The following UGGT2 variants were observed in gnomAD, a reference collection of about 807,000 sequenced individuals.
UGGT2 encodes UDP-glucose:glycoprotein glucosyltransferase 2.
Under a neutral mutation model 192.1 loss-of-function variants are expected in UGGT2, and 180 were observed. The ratio of observed to expected loss-of-function variants is 0.94; its 90% confidence interval spans 0.83 to 1.06. UGGT2 has a LOEUF of 1.06. Among genes scored for constraint, UGGT2 ranks in the 50% least tolerant of loss-of-function variants. The pLI, the probability that UGGT2 is intolerant of heterozygous loss-of-function variation, is 0.00. For missense variants in UGGT2, 1,849 were observed against 1,795.7 expected (o/e 1.03, Z -0.54); for synonymous variants, 580 against 591.0 (o/e 0.98, Z 0.27).
intron 8 of UGGT2, among the ~76,000 whole-genome samples, chr13:95,988,974 TGGC>T (rs2051375323): frequency 6.6e-6 from 1 of 152,056 alleles, no homozygotes; most frequent in Non-Finnish European, 1.5e-5. Flanking sequence ...CTAGTGAGAG[TGGC>T]CTGTAAATAT....
At chr13:96,013,148 T>A (rs184483737) in intron 5 of UGGT2, among the ~76,000 whole-genome samples, 159 bp downstream of exon 5, 100 of 152,054 alleles carry the variant, frequency 6.6e-4, no homozygotes, top group Non-Finnish European at 1.2e-3. Context: ...AGAGACAGAA[T>A]CCCAATATAT....
rs140240153 is a variant in UGGT2, at chr13:96,033,846, G to A, written c.159-1875C>T. Among the ~76,000 whole-genome samples, 3 of 152,302 alleles carry A rather than the reference G, an allele frequency of 2.0e-5. No individual in the cohort carries two copies. In the East Asian group the frequency reaches 5.8e-4, roughly 30 times the overall value. ...GAGCAGCTTGGCACAGGCCTGAAAG[G>A]TGCCCCATGACGCGAACTGCCTGGG... On this transcript the variant is annotated intron_variant, in intron 1 of 38. Coordinates refer to ENST00000376747, the MANE Select transcript of UGGT2 (RefSeq NM_020121.4).
chr13:95,877,265 C>A lies in UGGT2; in HGVS notation c.3473+14G>T. The A allele has an allele frequency of 6.5e-7, 1 of 1,549,414 alleles. No individual in the cohort carries two copies. Among genetic ancestry groups the A allele is most frequent in the Non-Finnish European group, 8.7e-7 (1 of 1,152,344 alleles). On this transcript the variant is annotated intron_variant, in intron 29 of 38. Coordinates refer to ENST00000376747, the MANE Select transcript of UGGT2 (RefSeq NM_020121.4). ...TTTATGTGTAAAAATTTAAAAGCAG[C>A]CTGCATAACTCACCCAACTATTTGA...
chr13:95,975,726 G>A (rs948028862), intron 10 of UGGT2, among the ~76,000 whole-genome samples: 1 of 152,120 alleles, frequency 6.6e-6, no homozygotes, highest in East Asian at 1.9e-4. Flanking sequence ...GACTGGTTGA[G>A]ATTTACAATG....
In UGGT2 at chr13:96,023,725, C is replaced by T; in HGVS notation, c.276G>A (p.Lys92=). The change falls in exon 3 of 39, where the codon AAG becomes AAA. Residue 92 remains lysine (K), a synonymous_variant. Transcript: ENST00000376747. ...AATTGTCTAGAAACTGTCCAGCTTTCTTCAGGATTAAGTTGTAATAAGAAT... is the reference window on the plus strand; with the variant it reads ...AATTGTCTAGAAACTGTCCAGCTTTTTTCAGGATTAAGTTGTAATAAGAAT... The part of the protein sequence containing the change: ...SDYSYYNLIL[K]KAGQFLDNLH... The T allele has an allele frequency of 6.2e-7, 1 of 1,607,342 alleles. No individual in the cohort carries two copies. The highest frequency in any genetic ancestry group is 8.5e-7 in the Non-Finnish European group (1 of 1,175,586).
chr13:95,814,021 G>C (rs1884698855), intron 38 of UGGT2, among the ~76,000 whole-genome samples: 3 of 152,252 alleles, frequency 2.0e-5, no homozygotes, highest in Admixed American at 2.0e-4. Context: ...CCATCGTCTA[G>C]ATTTCAGAGA....
rs549623768 is a variant in UGGT2 at position 95,821,936 on chromosome 13, C to G, written c.4528+10991G>C. On this transcript the variant is annotated intron_variant, in intron 38 of 38. Coordinates refer to ENST00000376747, the MANE Select transcript of UGGT2 (RefSeq NM_020121.4). ...ATTGGTCTACATGCCTATTTTTATA[C>G]AAGCATCACACTGTTTTGCTAACTA... 2.0e-5 allele frequency among the ~76,000 whole-genome samples: 3 copies of G among 152,276 alleles called. No individual in the cohort carries two copies. The South Asian group carries it at 6.2e-4, about 32-fold the overall frequency.
intron 12 of UGGT2, among the ~76,000 whole-genome samples, chr13:95,966,715 A>G (rs1384393817): frequency 2.0e-5 from 3 of 152,100 alleles, no homozygotes; most frequent in East Asian, 1.9e-4. Context: ...CCAAAAAACT[A>G]TTTTCTTATG....
chr13:95,863,834 A>G (rs1890389384), intron 30 of UGGT2, 120 bp from the exon 31 acceptor site: 4 of 753,422 alleles, frequency 5.3e-6, no homozygotes, highest in Non-Finnish European at 9.2e-6. Flanking sequence ...CAGTTGCAGT[A>G]ACCAAAGACA....
At chr13:95,958,463 T>G (rs1052842297) in intron 12 of UGGT2, among the ~76,000 whole-genome samples, 1 of 152,182 alleles carries the variant, frequency 6.6e-6, no homozygotes, top group Non-Finnish European at 1.5e-5. Context: ...AGGCAGGTAG[T>G]TTATGAGCAG....
intron 4 of UGGT2, among the ~76,000 whole-genome samples, chr13:96,015,503 A>G (rs2052307404): frequency 6.6e-6 from 1 of 152,128 alleles, no homozygotes. Flanking sequence ...TTATTTCAGG[A>G]ACTGCTTGGA....
intron 36 of UGGT2, among the ~76,000 whole-genome samples, chr13:95,846,411 C>T (rs1487047690): frequency 4.4e-5 from 6 of 136,778 alleles, no homozygotes; most frequent in African/African-American, 1.6e-4. Flanking sequence ...AGAGGGAGAC[C>T]GTGCAGAGGG....
At chr13:96,011,584 G>C (rs1224684827) in intron 5 of UGGT2, among the ~76,000 whole-genome samples, 1 of 152,078 alleles carries the variant, frequency 6.6e-6, no homozygotes, top group East Asian at 1.9e-4. Flanking sequence ...ATGAAAAATT[G>C]TACAGCCACT....
At chr13:95,908,733 CA>C (rs2140326038) in intron 20 of UGGT2, among the ~76,000 whole-genome samples, 1 of 142,188 alleles carries the variant, frequency 7.0e-6, no homozygotes, top group Non-Finnish European at 1.5e-5. Flanking sequence ...TTTTTGGCTG[CA>C]TAAATGTCTT....
At chr13:95,825,167 T>C (rs1315474673) in intron 38 of UGGT2, among the ~76,000 whole-genome samples, 1 of 152,152 alleles carries the variant, frequency 6.6e-6, no homozygotes, top group African/African-American at 2.4e-5. Context: ...GAAGCTTACC[T>C]CATTCCCCTG....
At chr13:96,020,268 C>T (rs1003325749) in intron 4 of UGGT2, among the ~76,000 whole-genome samples, 26 of 152,174 alleles carry the variant, frequency 1.7e-4, no homozygotes, top group Admixed American at 1.4e-3. Flanking sequence ...TTAAGAACTG[C>T]TATTTTAAAA....
intron 5 of UGGT2, among the ~76,000 whole-genome samples, 187 bp from the exon 6 acceptor site, chr13:95,999,494 T>C (rs930670605): frequency 2.0e-5 from 3 of 152,228 alleles, no homozygotes; most frequent in Admixed American, 1.3e-4. Flanking sequence ...ATTTGGTTAA[T>C]GACTACTCTG....
intron 23 of UGGT2, 50 bp downstream of exon 23, chr13:95,895,130 C>T (rs2140254262): frequency 1.3e-6 from 2 of 1,525,638 alleles, no homozygotes; most frequent in Non-Finnish European, 1.7e-6. Flanking sequence ...AAACATTAGA[C>T]TCAAAATACC....
At chr13:95,806,656 A>C (rs1350711241) in intron 38 of UGGT2, among the ~76,000 whole-genome samples, 1 of 152,230 alleles carries the variant, frequency 6.6e-6, no homozygotes, top group African/African-American at 2.4e-5. Context: ...ACAAAGCTAC[A>C]GTAATTAAAA....
Sources: gnomAD v4.1 joint callset for allele counts (sites outside exome capture counted in the v4.1 genomes callset) on GRCh38, gnomAD v4.1.1 for gene constraint, MANE v1.5 for transcripts, NCBI Gene and HGNC (gene_info 2026-07-23, HGNC 2026-07-21) for gene names.